The following CLVS1 variants were observed in gnomAD, a reference collection of about 807,000 sequenced individuals.
CLVS1 encodes the protein clavesin 1, also known as clavesin-1.
Under a neutral mutation model 33.1 loss-of-function variants are expected in CLVS1, and 10 were observed. The ratio of observed to expected loss-of-function variants is 0.30; its 90% CI spans 0.19 to 0.51. The LOEUF is 0.51. Among genes scored for constraint, CLVS1 ranks in the 20% least tolerant of loss-of-function variants. The pLI is 0.97. For synonymous variants in CLVS1, 163 were observed against 166.1 expected (o/e 0.98, Z 0.14); for missense variants, 343 against 433.4 (o/e 0.79, Z 1.85).
intron 2 of CLVS1, among the ~76,000 whole-genome samples, chr8:61,158,755 T>TA (rs886935178): frequency 1.1e-4 from 16 of 147,566 alleles, no homozygotes; most frequent in East Asian, 2.0e-4. Context: ...GTAAGAATAA[T>TA]AAAAAAAAAA....
At chr8:61,120,975 G>A (rs1315076522) in intron 1 of CLVS1, among the ~76,000 whole-genome samples, 26 of 149,374 alleles carry the variant, frequency 1.7e-4, no homozygotes, top group African/African-American at 3.5e-4. Flanking sequence ...CCCCAGCCTC[G>A]CTGCCGCCTT....
chr8:60,980,824 T>G, the CLVS1 span, among the ~76,000 whole-genome samples: 2 of 152,182 alleles, frequency 1.3e-5, no homozygotes, highest in Non-Finnish European at 2.9e-5. Flanking sequence ...CAGATGTGAT[T>G]AAATTAAGGA....
At chr8:61,093,833 T>C (rs1030897896) in intron 1 of CLVS1, among the ~76,000 whole-genome samples, 7 of 152,230 alleles carry the variant, frequency 4.6e-5, no homozygotes, top group Non-Finnish European at 7.3e-5. Flanking sequence ...AATGCCAGCA[T>C]CAGGTGTCAC....
chr8:61,002,396 C>A, the CLVS1 span, among the ~76,000 whole-genome samples: 3 of 131,618 alleles, frequency 2.3e-5, no homozygotes, highest in South Asian at 7.5e-4. Context: ...GTGGCATGAT[C>A]TTGGCTCACT....
chr8:61,135,275 C>T (rs1806171960), intron 2 of CLVS1, among the ~76,000 whole-genome samples: 1 of 151,936 alleles, frequency 6.6e-6, no homozygotes, highest in African/African-American at 2.4e-5. Flanking sequence ...GTTGTTAGTA[C>T]CCTCGTCCCC....
intron 2 of CLVS1, among the ~76,000 whole-genome samples, chr8:61,324,547 C>G (rs1245722977): frequency 6.6e-6 from 1 of 151,744 alleles, no homozygotes; most frequent in Non-Finnish European, 1.5e-5. Context: ...TAAAAAGATA[C>G]CAAAAAATGT....
intron 1 of CLVS1, among the ~76,000 whole-genome samples, chr8:61,104,206 T>C (rs1234758621): frequency 1.3e-5 from 2 of 152,180 alleles, no homozygotes; most frequent in Non-Finnish European, 2.9e-5. Flanking sequence ...CTTCTTACTA[T>C]AGAGAATGAA....
the CLVS1 span, among the ~76,000 whole-genome samples, chr8:61,000,913 G>T: frequency 1.3e-5 from 2 of 152,176 alleles, no homozygotes; most frequent in Non-Finnish European, 2.9e-5. Flanking sequence ...TATTTGGGGA[G>T]TGGAGTTCAA....
At chr8:61,342,316 T>G (rs2129598268) in intron 2 of CLVS1, among the ~76,000 whole-genome samples, 1 of 152,242 alleles carries the variant, frequency 6.6e-6, no homozygotes, top group East Asian at 1.9e-4. Flanking sequence ...GAACAAGAGT[T>G]CAGCAGAGCC....
chr8:61,322,774 T>G (rs1282883847), intron 2 of CLVS1, among the ~76,000 whole-genome samples: 1 of 152,164 alleles, frequency 6.6e-6, no homozygotes, highest in Admixed American at 6.5e-5. Context: ...AATTAATCAA[T>G]TAATTAATAA....
rs770980603 is a variant in CLVS1 at position 61,458,576 on chromosome 8, T to G, written c.977+34T>G. ...TGGGTTATCAGAGCCCCCCCCCCAG[T>G]CAGAGGTCAATGGAATTTTTTATTT... On this transcript the variant is annotated intron_variant, in intron 5 of 5. Coordinates refer to ENST00000325897, the MANE Select transcript of CLVS1 (RefSeq NM_173519.3). The G allele has an allele frequency of 3.0e-6, 4 of 1,348,346 alleles. No homozygotes were observed. The African/African-American group carries it at 4.6e-5, about 15-fold the overall frequency. The allele number at this position is 1,348,346 out of a possible 1,614,324, so 83.5% of individuals were successfully genotyped here.
the CLVS1 span, among the ~76,000 whole-genome samples, chr8:61,028,999 C>T: frequency 1.3e-5 from 2 of 152,098 alleles, no homozygotes. Context: ...TCTGTAAATC[C>T]CCAGCCTAGG....
intron 2 of CLVS1, among the ~76,000 whole-genome samples, chr8:61,362,395 T>G (rs1423345251): frequency 2.0e-5 from 3 of 152,208 alleles, no homozygotes. Flanking sequence ...CACAGACATG[T>G]CAAGCACACT....
intron 5 of CLVS1, among the ~76,000 whole-genome samples, chr8:61,481,430 G>A (rs1185938403): frequency 6.6e-6 from 1 of 152,224 alleles, no homozygotes; most frequent in Non-Finnish European, 1.5e-5. Context: ...CAAGGGGTCA[G>A]AGGATTCCCT....
At chr8:61,493,402 A>G (rs1465910349) in intron 5 of CLVS1, among the ~76,000 whole-genome samples, 1 of 152,268 alleles carries the variant, frequency 6.6e-6, no homozygotes, top group Non-Finnish European at 1.5e-5. Flanking sequence ...AGAGCTAAAA[A>G]GAATAAATGT....
At chr8:61,436,389 G>A (rs1288811166) in intron 3 of CLVS1, among the ~76,000 whole-genome samples, 4 of 152,008 alleles carry the variant, frequency 2.6e-5, no homozygotes, top group South Asian at 2.1e-4. Flanking sequence ...AGCACATTCC[G>A]GTCAGGCTTT....
chr8:61,232,023 G>GTTTGTTTGTTTGTTTGTTTTTTTTTTTGT, intron 2 of CLVS1, among the ~76,000 whole-genome samples: 1 of 62,628 alleles, frequency 1.6e-5, no homozygotes, highest in African/African-American at 4.7e-5. Flanking sequence ...GAAAGTTGTG[G>GTTTGTTTGTTTGTTTGTTTTTTTTTTTGT]TTTTTTTTTT....
At chr8:61,476,017 C>T (rs74343823) in intron 5 of CLVS1, among the ~76,000 whole-genome samples, 3,313 of 152,296 alleles carry the variant, frequency 0.022, 45 homozygotes, top group Non-Finnish European at 0.035. Flanking sequence ...CTACATATGG[C>T]TAGCCAGTTT....
At chr8:61,476,336 A>G (rs1221803513) in intron 5 of CLVS1, among the ~76,000 whole-genome samples, 1 of 152,198 alleles carries the variant, frequency 6.6e-6, no homozygotes, top group Non-Finnish European at 1.5e-5. Context: ...CTGTGAAGAA[A>G]GTCATTGGTA....
Sources: gnomAD v4.1 joint callset for allele counts (sites outside exome capture counted in the v4.1 genomes callset) on GRCh38, gnomAD v4.1.1 for gene constraint, MANE v1.5 for transcripts, NCBI Gene and HGNC (gene_info 2026-07-23, HGNC 2026-07-21) for gene names.